EXOC1: variants seen among roughly 807,000 people sequenced by gnomAD.
The protein encoded by EXOC1 is SEC3-like 1.
A neutral mutation model predicts 107.7 loss-of-function variants in EXOC1; 67 were observed. The observed-to-expected ratio is 0.62, with a 90% CI of 0.51 to 0.76. The LOEUF (loss-of-function observed/expected upper bound fraction) is 0.76, where lower values mean the gene tolerates loss of function less well. EXOC1 is among the 30% of genes least tolerant of loss of function. The probability of loss-of-function intolerance (pLI) is 0.00; values close to 1 mark genes in which losing one functional copy is unlikely to be tolerated. For synonymous variants in EXOC1, 348 were observed against 353.5 expected, an observed-to-expected ratio of 0.98 and a Z score of 0.17; for missense variants, 833 against 1,055.7, an observed-to-expected ratio of 0.79 and a Z score of 2.92.
intron 1 of EXOC1, among the ~76,000 whole-genome samples, chr4:55,855,993 A>T (rs999748799): frequency 2.8e-4 from 42 of 152,232 alleles, no homozygotes; most frequent in Non-Finnish European, 5.6e-4. Context: ...TAGATTGTTA[A>T]GTCATTTGCA....
rs1266943039 is a variant in EXOC1, at chr4:55,871,794, A to G, written c.965-55A>G. The G allele has an allele frequency of 4.7e-6, 7 of 1,496,134 alleles. No individual in the cohort carries two copies. The East Asian group carries it at 9.1e-5, about 19-fold the overall frequency. 92.7% of individuals were successfully genotyped at this position (1,496,134 alleles called of 1,614,324 possible). On this transcript the variant is annotated intron_variant, in intron 7 of 18. Coordinates refer to ENST00000381295, the MANE Select transcript of EXOC1 (RefSeq NM_001024924.2). ...AGATACGTTTAATGTTCCATTAAAC[A>G]TCAAGGAAATCTTTTTACCCATTAA...
chr4:55,882,857 TAAAAG>T (rs767878732), intron 9 of EXOC1: 5 of 152,152 alleles, frequency 3.3e-5, no homozygotes, highest in African/African-American at 9.6e-5. Flanking sequence ...ATGATAAACT[TAAAAG>T]AATAGGTACA....
In EXOC1 at chr4:55,890,386, G is replaced by A; in HGVS notation, c.1539G>A (p.Lys513=). The A allele has an allele frequency of 6.2e-7, 1 of 1,613,180 alleles. No homozygotes were observed. Among genetic ancestry groups the A allele is most frequent in the African/African-American group, 1.3e-5 (1 of 74,958 alleles). ...TTGCTGACAGGACCAAATTTGATAA[G>A]GTAAACTAAAATAACAAGTACTTCT... The part of the protein sequence containing the change: ...LDVADRTKFD[K]IFEQVLSELE... The change falls in exon 12 of 19, where the codon AAG becomes AAA. Residue 513 remains lysine (K), a splice_region_variant and synonymous_variant. Transcript: ENST00000381295.
intron 8 of EXOC1, chr4:55,876,136 T>C (rs576106822): frequency 6.1e-6 from 6 of 985,288 alleles, no homozygotes; most frequent in Middle Eastern, 5.2e-4. Context: ...CTTAATATTA[T>C]TGATTTTGTT....
At chr4:55,904,081 TATTTA>T (rs1311882124) in intron 18 of EXOC1, among the ~76,000 whole-genome samples, 1 of 151,880 alleles carries the variant, frequency 6.6e-6, no homozygotes. Context: ...GTACATTTCT[TATTTA>T]ATTCTCACAG....
intron 4 of EXOC1, chr4:55,866,851 T>C (rs1291100357): frequency 1.0e-6 from 1 of 985,130 alleles, no homozygotes. Context: ...CTCTGCTTTT[T>C]TCATACTTTT....
intron 8 of EXOC1, among the ~76,000 whole-genome samples, chr4:55,873,150 G>T (rs1030103432): frequency 6.6e-6 from 1 of 151,908 alleles, no homozygotes; most frequent in Non-Finnish European, 1.5e-5. Context: ...ATTAACTTGG[G>T]ATAAATGAGA....
At chr4:55,859,609 G>A (rs1344305776) in intron 2 of EXOC1, among the ~76,000 whole-genome samples, 3 of 151,782 alleles carry the variant, frequency 2.0e-5, no homozygotes, top group African/African-American at 4.8e-5. Flanking sequence ...TCCTAGTTAG[G>A]ACTATCAATA....
At chr4:55,897,379 A>G (rs1251570013) in intron 16 of EXOC1, among the ~76,000 whole-genome samples, 1 of 152,148 alleles carries the variant, frequency 6.6e-6, no homozygotes, top group Admixed American at 6.5e-5. Flanking sequence ...TCTAGAGATG[A>G]TGGGCTGTGA....
In EXOC1 at chr4:55,891,438, T is replaced by C; in HGVS notation, c.1647+16T>C. 2 of 1,484,288 alleles carry C rather than the reference T, an allele frequency of 1.3e-6. No homozygotes were observed. Among genetic ancestry groups the C allele is most frequent in the Non-Finnish European group, 1.9e-6 (2 of 1,062,234 alleles). 91.9% of individuals were successfully genotyped at this position (1,484,288 alleles called of 1,614,324 possible). ...TGGAACTATGGTATGGCTCACAGTG[T>C]ATTTTGGATAGTATTTATGATCTGT... On this transcript the variant is annotated intron_variant, in intron 13 of 18. Coordinates refer to ENST00000381295, the MANE Select transcript of EXOC1 (RefSeq NM_001024924.2).
chr4:55,882,633 A>G (rs1201445947), intron 9 of EXOC1: 1 of 152,204 alleles, frequency 6.6e-6, no homozygotes, highest in Non-Finnish European at 1.5e-5. Context: ...AAAGGACAGG[A>G]TCTATATATA....
chr4:55,888,068 C>T (rs1724098100), intron 10 of EXOC1, among the ~76,000 whole-genome samples: 1 of 152,136 alleles, frequency 6.6e-6, no homozygotes, highest in South Asian at 2.1e-4. Flanking sequence ...TATTCTTTAA[C>T]ATTCTGTTTC....
In EXOC1 at chr4:55,878,080, G is replaced by C; in HGVS notation, c.1224+14G>C. ...GGACTAACAAAGGTATGGATTTGAC[G>C]TCATTTACTCACTGAGAATAGAGCA... On this transcript the variant is annotated intron_variant, in intron 9 of 18. Transcript: ENST00000381295. 6.2e-7 allele frequency: 1 copy of C among 1,610,200 alleles called. No homozygotes were observed. The highest frequency in any genetic ancestry group is 8.5e-7 in the Non-Finnish European group (1 of 1,178,048).
At chr4:55,878,814 T>C (rs1034801401) in intron 9 of EXOC1, among the ~76,000 whole-genome samples, 5 of 152,110 alleles carry the variant, frequency 3.3e-5, no homozygotes, top group Admixed American at 2.6e-4. Context: ...AATTTCCTAT[T>C]CTAGGGCAGT....
At chr4:55,859,211 A>G (rs1201248914) in intron 2 of EXOC1, among the ~76,000 whole-genome samples, 3 of 152,152 alleles carry the variant, frequency 2.0e-5, no homozygotes, top group Non-Finnish European at 2.9e-5. Flanking sequence ...CCTATAGTTC[A>G]ATTTGGAGAG....
chr4:55,871,477 C>T (rs1722437334), intron 7 of EXOC1, among the ~76,000 whole-genome samples: 1 of 152,050 alleles, frequency 6.6e-6, no homozygotes, highest in African/African-American at 2.4e-5. Flanking sequence ...TAGTACTATC[C>T]ACAGAACCCA....
chr4:55,866,654 G>C (rs998611480), intron 4 of EXOC1, among the ~76,000 whole-genome samples: 1 of 152,112 alleles, frequency 6.6e-6, no homozygotes, highest in Non-Finnish European at 1.5e-5. Context: ...TATATTTGTA[G>C]TCACTATCAG....
chr4:55,888,932 A>T lies in EXOC1; in HGVS notation c.1375A>T (p.Ser459Cys). The T allele has an allele frequency of 6.2e-7, 1 of 1,613,566 alleles. No individual in the cohort carries two copies. The highest frequency in any genetic ancestry group is 8.5e-7 in the Non-Finnish European group (1 of 1,179,600). The change falls in exon 11 of 19, where the codon AGT (serine) becomes TGT (cysteine). Residue 459 changes from serine to cysteine, a missense_variant and splice_region_variant. This residue lies in a region of EXOC1 where 617 missense variants were observed against 701.3 expected (regional missense o/e 0.88). Coordinates refer to ENST00000381295, the MANE Select transcript of EXOC1 (RefSeq NM_001024924.2). ...KESAVKQETE[S>C]LHGSSGKLTG... ...AAGTGCTGTCAAACAGGAAACAGAG[A>T]GTGAGTATGCTTAGTGTATTAGTAG...
In EXOC1 at chr4:55,887,123, AT is replaced by A. The variant is rs758398691; in HGVS notation, c.1331-1756del. Among the ~76,000 whole-genome samples, 13 of 151,440 alleles carry A rather than the reference AT, an allele frequency of 8.6e-5. No individual in the cohort carries two copies. In the East Asian group the frequency reaches 9.7e-4, roughly 11 times the overall value. On this transcript the variant is annotated intron_variant, in intron 10 of 18. Coordinates refer to ENST00000381295, the MANE Select transcript of EXOC1 (RefSeq NM_001024924.2). The stretch of plus-strand genomic sequence containing the variant: ...AATGACAGGGAAAGGAAATTTAGTA[AT>A]TTTTTTTTAGTCACCATTTTTACTT...
Sources: gnomAD v4.1 joint callset for allele counts (sites outside exome capture counted in the v4.1 genomes callset) on GRCh38, gnomAD v4.1.1 for gene constraint, gnomAD v4.1.1 regional missense constraint, MANE v1.5 for transcripts, NCBI Gene and HGNC (gene_info 2026-07-23, HGNC 2026-07-21) for gene names.